CELF4: variants seen among roughly 807,000 people sequenced by gnomAD.
The protein encoded by CELF4 is CUGBP Elav-like family member 4.
A neutral mutation model predicts 59.9 loss-of-function variants in CELF4; 18 were observed. The ratio of observed to expected loss-of-function variants is 0.30; its 90% CI spans 0.21 to 0.45. The LOEUF (loss-of-function observed/expected upper bound fraction) is 0.45, where lower values mean the gene tolerates loss of function less well. CELF4 is among the 20% of genes least tolerant of loss of function. CELF4 has a pLI of 1.00. For synonymous variants in CELF4, 261 were observed against 267.1 expected (o/e 0.98, Z 0.22); for missense variants, 456 against 689.0 (o/e 0.66, Z 3.79).
intron 3 of CELF4, among the ~76,000 whole-genome samples, chr18:37,316,870 C>T (rs781072122): frequency 1.3e-5 from 2 of 152,200 alleles, no homozygotes; most frequent in Non-Finnish European, 2.9e-5. Flanking sequence ...TCTGTGGTGT[C>T]TTCCCACTGC....
At chr18:37,320,666 G>A (rs951171792) in intron 3 of CELF4, among the ~76,000 whole-genome samples, 25 of 152,180 alleles carry the variant, frequency 1.6e-4, no homozygotes, top group Admixed American at 1.5e-3. Context: ...CCCCTTCTCC[G>A]GGGAAGTGGC....
intron 2 of CELF4, among the ~76,000 whole-genome samples, chr18:37,355,114 C>T (rs769824490): frequency 3.3e-5 from 5 of 152,188 alleles, no homozygotes; most frequent in Non-Finnish European, 7.3e-5. Flanking sequence ...TGTCTAGACA[C>T]GATGGAATCT....
chr18:37,442,240 T>C (rs2154601237), intron 2 of CELF4, among the ~76,000 whole-genome samples: 1 of 152,116 alleles, frequency 6.6e-6, no homozygotes, highest in South Asian at 2.1e-4. Flanking sequence ...ATGGCTTCTG[T>C]AGGGACCCAT....
intron 3 of CELF4, among the ~76,000 whole-genome samples, chr18:37,291,365 A>G (rs1406525662): frequency 6.6e-6 from 1 of 152,220 alleles, no homozygotes; most frequent in African/African-American, 2.4e-5. Context: ...CATGTACTCA[A>G]GAGGAGGGTT....
intron 2 of CELF4, among the ~76,000 whole-genome samples, chr18:37,456,974 C>T (rs2099780107): frequency 6.6e-6 from 1 of 152,160 alleles, no homozygotes; most frequent in Non-Finnish European, 1.5e-5. Flanking sequence ...CCTGATCTTC[C>T]TCTCCCAGGC....
intron 7 of CELF4, among the ~76,000 whole-genome samples, chr18:37,271,766 C>A (rs2091404139): frequency 6.6e-6 from 1 of 152,178 alleles, no homozygotes; most frequent in Non-Finnish European, 1.5e-5. Context: ...AAAGTAGACA[C>A]CTTGGCCTCC....
At chr18:37,510,980 G>A (rs1366449457) in intron 1 of CELF4, among the ~76,000 whole-genome samples, 1 of 152,104 alleles carries the variant, frequency 6.6e-6, no homozygotes, top group Non-Finnish European at 1.5e-5. Flanking sequence ...TTACCCAGGG[G>A]CACTATTTGT....
chr18:37,549,437 G>A (rs1258328597), intron 1 of CELF4, among the ~76,000 whole-genome samples: 2 of 152,148 alleles, frequency 1.3e-5, no homozygotes, highest in East Asian at 3.9e-4. Flanking sequence ...CGCAGGCCAG[G>A]CCTTACGAAT....
chr18:37,256,992 T>C (rs1162084015), intron 11 of CELF4, among the ~76,000 whole-genome samples: 1 of 152,190 alleles, frequency 6.6e-6, no homozygotes, highest in African/African-American at 2.4e-5. Context: ...GACCAGCATC[T>C]CAGGAGTCTG....
In CELF4 at chr18:37,431,958, G is replaced by A. The variant is rs145334762; in HGVS notation, c.369+53567C>T. Among the ~76,000 whole-genome samples, 393 of 152,302 alleles carry A rather than the reference G, an allele frequency of 2.6e-3. 6 individuals are homozygous for A. Among genetic ancestry groups the A allele is most frequent in the African/African-American group, 8.9e-3 (368 of 41,556 alleles). On this transcript the variant is annotated intron_variant, in intron 2 of 12. Transcript: ENST00000420428. ...CGTTCTGTGGAAAAGCTGTAAAAGC[G>A]TGAAATAGGTCCCCCCACCTTGAAC...
intron 8 of CELF4, among the ~76,000 whole-genome samples, chr18:37,268,189 G>T (rs562684279): frequency 2.0e-5 from 3 of 152,268 alleles, no homozygotes; most frequent in Admixed American, 6.5e-5. Flanking sequence ...TGCTCAGATG[G>T]GGGGAGCTGA....
chr18:37,313,931 G>T lies in CELF4; in HGVS notation c.448+7872C>A, dbSNP rs76272486. Among the ~76,000 whole-genome samples the T allele has an allele frequency of 9.5e-3, 1,441 of 152,348 alleles. 18 individuals carry two copies. Among genetic ancestry groups the T allele is most frequent in the African/African-American group, 0.034 (1,397 of 41,586 alleles). Reference sequence around the variant, plus strand: ...CCGCTGCCACATCAGTGCTGGCATGGTGAGGGGGGATGCCCTGAAGACCCT... The same window carrying T: ...CCGCTGCCACATCAGTGCTGGCATGTTGAGGGGGGATGCCCTGAAGACCCT... On this transcript the variant is annotated intron_variant, in intron 3 of 12. Coordinates refer to ENST00000420428, the MANE Select transcript of CELF4 (RefSeq NM_020180.4).
At chr18:37,414,564 C>T (rs1403661549) in intron 2 of CELF4, among the ~76,000 whole-genome samples, 3 of 139,900 alleles carry the variant, frequency 2.1e-5, no homozygotes, top group African/African-American at 5.2e-5. Flanking sequence ...TGCAGTGGCG[C>T]GATCTCGGCT....
chr18:37,536,387 A>C (rs1200311097), intron 1 of CELF4, among the ~76,000 whole-genome samples: 2 of 152,114 alleles, frequency 1.3e-5, no homozygotes, highest in Non-Finnish European at 2.9e-5. Flanking sequence ...TCTTCTCTAG[A>C]GTCTGACTCT....
At chr18:37,482,795 C>T (rs933953451) in intron 2 of CELF4, among the ~76,000 whole-genome samples, 2 of 152,102 alleles carry the variant, frequency 1.3e-5, no homozygotes, top group Non-Finnish European at 1.5e-5. Context: ...CAACAGGATG[C>T]GAGCTCCATA....
intron 2 of CELF4, among the ~76,000 whole-genome samples, chr18:37,351,124 G>A (rs2098431608): frequency 6.6e-6 from 1 of 152,152 alleles, no homozygotes; most frequent in South Asian, 2.1e-4. Context: ...GGAGAGGGGG[G>A]CTGGAAGGGA....
At chr18:37,543,805 G>A (rs1051802904) in intron 1 of CELF4, among the ~76,000 whole-genome samples, 1 of 152,152 alleles carries the variant, frequency 6.6e-6, no homozygotes, top group Non-Finnish European at 1.5e-5. Context: ...CTTTTCTGGG[G>A]ACCAATTGAT....
At chr18:37,510,225 C>G (rs1275818784) in intron 1 of CELF4, among the ~76,000 whole-genome samples, 1 of 152,206 alleles carries the variant, frequency 6.6e-6, no homozygotes, top group Non-Finnish European at 1.5e-5. Flanking sequence ...ACTTTACCCT[C>G]CTCCTGCCCC....
intron 1 of CELF4, among the ~76,000 whole-genome samples, chr18:37,536,647 C>T (rs540540758): frequency 6.6e-6 from 1 of 152,268 alleles, no homozygotes; most frequent in African/African-American, 2.4e-5. Context: ...GAGGTGGTGG[C>T]CCACCTGAGA....
Sources: allele counts gnomAD v4.1 joint callset (sites outside exome capture counted in the v4.1 genomes callset), GRCh38; gene constraint gnomAD v4.1.1; transcripts MANE v1.5; gene names NCBI Gene and HGNC (gene_info 2026-07-23, HGNC 2026-07-21).